The following CBLB variants were observed in gnomAD, a reference collection of about 807,000 sequenced individuals.
CBLB encodes the protein Cbl proto-oncogene B.
In CBLB, 31 loss-of-function variants were observed where a neutral mutation model predicts 104.9. The ratio of observed to expected loss-of-function variants is 0.30; its 90% confidence interval spans 0.22 to 0.40. The LOEUF (loss-of-function observed/expected upper bound fraction) is 0.40, where lower values mean the gene tolerates loss of function less well. CBLB is among the 10% of genes least tolerant of loss of function. The pLI is 1.00. For synonymous variants in CBLB, 440 were observed against 422.6 expected, an observed-to-expected ratio of 1.04 and a Z score of -0.51; for missense variants, 1,062 against 1,214.6, an observed-to-expected ratio of 0.87 and a Z score of 1.87.
At position 105,839,058 on chromosome 3, in the gene CBLB, A is replaced by G. The variant is rs1178293525; in HGVS notation, c.419+14356T>C. ...AATAGTCCTTGATAAGATTATACAT[A>G]AAAGGAGATAATTTGACTCATGTGG... On this transcript the variant is annotated intron_variant, in intron 3 of 18. Transcript: ENST00000394030. 3.9e-5 allele frequency among the ~76,000 whole-genome samples: 6 copies of G among 152,220 alleles called. No homozygotes were observed. In the East Asian group the frequency reaches 1.2e-3, roughly 29 times the overall value.
At chr3:105,766,069 T>A (rs1394334124) in intron 4 of CBLB, among the ~76,000 whole-genome samples, 8 of 152,152 alleles carry the variant, frequency 5.3e-5, no homozygotes, top group Non-Finnish European at 1.5e-5. Flanking sequence ...TTGGAAACAG[T>A]GAATTCCAAA....
intron 2 of CBLB, among the ~76,000 whole-genome samples, chr3:105,855,647 T>C (rs571272925): frequency 8.5e-5 from 13 of 152,300 alleles, no homozygotes; most frequent in East Asian, 5.8e-4. Flanking sequence ...ATCTGGCAAT[T>C]TGAATGTGTT....
intron 3 of CBLB, among the ~76,000 whole-genome samples, chr3:105,785,806 T>C (rs1320471324): frequency 6.6e-6 from 1 of 152,200 alleles, no homozygotes; most frequent in Non-Finnish European, 1.5e-5. Flanking sequence ...CTTTATTCAG[T>C]ATGTGCAAAT....
chr3:105,682,335 A>G (rs2066413460), intron 14 of CBLB, among the ~76,000 whole-genome samples: 1 of 152,246 alleles, frequency 6.6e-6, no homozygotes, highest in South Asian at 2.1e-4. Flanking sequence ...TCTGACAGGA[A>G]CATTCAAAGA....
intron 10 of CBLB, among the ~76,000 whole-genome samples, chr3:105,712,365 T>C (rs2071238655): frequency 6.6e-6 from 1 of 152,212 alleles, no homozygotes; most frequent in South Asian, 2.1e-4. Context: ...TTATGCCCTT[T>C]GGTTCGCTCA....
chr3:105,673,958 G>A (rs2065343016), intron 17 of CBLB: 1 of 152,004 alleles, frequency 6.6e-6, no homozygotes, highest in African/African-American at 2.4e-5. Flanking sequence ...GCACTTTTTT[G>A]AGAATACCCC....
intron 3 of CBLB, among the ~76,000 whole-genome samples, chr3:105,808,226 AATG>A (rs1044313884): frequency 6.6e-6 from 1 of 152,222 alleles, no homozygotes; most frequent in Non-Finnish European, 1.5e-5. Context: ...TTTCATATAA[AATG>A]ATGTTTTCTT....
Position 105,659,055 on chromosome 3 carries a change from A to G in CBLB, c.2864T>C (p.Ile955Thr). The change falls in exon 19 of 19, where the codon ATA becomes ACA. Residue 955 changes from isoleucine to threonine, a missense_variant. By Grantham distance (89) the Ile-to-Thr change is moderately conservative. Around this residue, in one of 2 missense-constraint regions of CBLB, gnomAD observed 605 missense variants for 582.6 expected, o/e 1.04. Transcript: ENST00000394030. ...GGCAACTTCGACATTATTCTGGGCT[A>G]TCTCTAAGGCTCTCTTCACCTCTTC... ...AFEEVKRALE[I>T]AQNNVEVARS... 2 of 1,613,988 alleles carry G rather than the reference A, an allele frequency of 1.2e-6. No homozygotes were observed. The highest frequency in any genetic ancestry group is 2.2e-5 in the East Asian group (1 of 44,866).
Position 105,841,031 on chromosome 3 carries a change from T to C in CBLB, c.419+12383A>G, listed in dbSNP as rs548787022. On this transcript the variant is annotated intron_variant, in intron 3 of 18. Coordinates refer to ENST00000394030, the MANE Select transcript of CBLB (RefSeq NM_170662.5). Reference sequence around the variant, plus strand: ...AATGTAGGCCAAGCACAGTGGCTCATGCCTGTAAGCCCAGCACTTTGGGAG... The same window carrying C: ...AATGTAGGCCAAGCACAGTGGCTCACGCCTGTAAGCCCAGCACTTTGGGAG... Among the ~76,000 whole-genome samples, 15 of 152,230 alleles carry C rather than the reference T, an allele frequency of 9.9e-5. No homozygotes were observed. The East Asian group carries it at 2.7e-3, about 27-fold the overall frequency.
At chr3:105,770,653 G>A (rs565637091) in intron 4 of CBLB, among the ~76,000 whole-genome samples, 1 of 152,168 alleles carries the variant, frequency 6.6e-6, no homozygotes, top group Non-Finnish European at 1.5e-5. Context: ...AGGAGCATAG[G>A]AGCTGGGTGC....
chr3:105,769,221 G>A (rs919964365), intron 4 of CBLB, among the ~76,000 whole-genome samples: 1 of 152,146 alleles, frequency 6.6e-6, no homozygotes, highest in African/African-American at 2.4e-5. Context: ...GGGAGGCTGA[G>A]GAGGGAGAAT....
chr3:105,789,781 T>C (rs1051830156), intron 3 of CBLB, among the ~76,000 whole-genome samples: 2 of 152,296 alleles, frequency 1.3e-5, no homozygotes, highest in African/African-American at 2.4e-5. Context: ...TATGTCTAGA[T>C]AAGAAATCAT....
chr3:105,702,150 C>G lies in CBLB; in HGVS notation c.1903G>C (p.Asp635His). 6.2e-7 allele frequency: 1 copy of G among 1,614,180 alleles called. No homozygotes were observed. The highest frequency in any genetic ancestry group is 8.5e-7 in the Non-Finnish European group (1 of 1,180,022). ...CTGTGTTTCCGCATAAGCACTGGGT[C>G]AGAGCCCACTCTACTGTGCCTTCCA... ...VNGRHSRVGS[D>H]PVLMRKHRRH... Residue 635 changes from aspartate to histidine, a missense_variant, in exon 12 of 19, where the codon GAC becomes CAC. By Grantham distance (81) the Asp-to-His change is moderately conservative. This residue lies in a region of CBLB where 605 missense variants were observed against 582.6 expected (regional missense o/e 1.04). Coordinates refer to ENST00000394030, the MANE Select transcript of CBLB (RefSeq NM_170662.5).
At chr3:105,729,467 G>A (rs2074061701) in intron 9 of CBLB, among the ~76,000 whole-genome samples, 1 of 152,056 alleles carries the variant, frequency 6.6e-6, no homozygotes, top group Non-Finnish European at 1.5e-5. Context: ...AATTCTTCCT[G>A]TGCACAGTTA....
intron 3 of CBLB, among the ~76,000 whole-genome samples, chr3:105,795,336 T>C (rs2153002944): frequency 6.6e-6 from 1 of 152,336 alleles, no homozygotes; most frequent in East Asian, 1.9e-4. Flanking sequence ...CTCACCATCA[T>C]AATGTTGATC....
intron 18 of CBLB, among the ~76,000 whole-genome samples, chr3:105,660,714 T>C (rs1368758003): frequency 6.6e-6 from 1 of 152,138 alleles, no homozygotes; most frequent in East Asian, 1.9e-4. Context: ...CTCAGCAACT[T>C]TCCCAATGGC....
At chr3:105,813,037 T>A (rs1407559116) in intron 3 of CBLB, among the ~76,000 whole-genome samples, 1 of 152,126 alleles carries the variant, frequency 6.6e-6, no homozygotes, top group Non-Finnish European at 1.5e-5. Flanking sequence ...AAGCAGTATG[T>A]TAATTCAAAA....
chr3:105,869,046 T>C, upstream of CBLB: 1 of 344,780 alleles, frequency 2.9e-6, no homozygotes, highest in Non-Finnish European at 4.8e-6. Flanking sequence ...GGACCCAGGC[T>C]CGGGGCGGGG....
At chr3:105,839,256 T>C (rs1348705187) in intron 3 of CBLB, among the ~76,000 whole-genome samples, 2 of 152,176 alleles carry the variant, frequency 1.3e-5, no homozygotes, top group Admixed American at 6.5e-5. Flanking sequence ...GGAAAGCCAC[T>C]AGATTAAATG....
Sources: allele counts gnomAD v4.1 joint callset (sites outside exome capture counted in the v4.1 genomes callset), GRCh38; gene constraint gnomAD v4.1.1; regional missense constraint gnomAD v4.1.1; transcripts MANE v1.5; gene names NCBI Gene and HGNC (gene_info 2026-07-23, HGNC 2026-07-21).